Variants in VPS54 observed in about 807,000 individuals in gnomAD.
The protein encoded by VPS54 is VPS54 subunit of GARP complex.
In VPS54, 45 loss-of-function variants were observed where a neutral mutation model predicts 121.5. The ratio of observed to expected loss-of-function variants is 0.37; its 90% CI spans 0.29 to 0.47. The LOEUF is 0.47. VPS54 is among the 20% of genes least tolerant of loss of function. VPS54 has a pLI of 0.99. For missense variants in VPS54, 1,090 were observed against 1,131.4 expected (o/e 0.96, Z 0.52); for synonymous variants, 371 against 385.8 (o/e 0.96, Z 0.45).
intron 1 of VPS54, among the ~76,000 whole-genome samples, chr2:64,013,750 A>G (rs760725334): frequency 2.7e-5 from 4 of 149,430 alleles, no homozygotes; most frequent in African/African-American, 4.9e-5. Context: ...TATAATACCA[A>G]TCAATACCAC....
At chr2:63,910,120 G>C (rs1673085112) in intron 20 of VPS54, among the ~76,000 whole-genome samples, 1 of 152,190 alleles carries the variant, frequency 6.6e-6, no homozygotes, top group African/African-American at 2.4e-5. Flanking sequence ...GTTAAAAACT[G>C]AAAGGCAAAC....
chr2:63,966,139 T>C (rs372429069), intron 5 of VPS54, among the ~76,000 whole-genome samples, 173 bp from the exon 6 acceptor site: 3 of 152,116 alleles, frequency 2.0e-5, no homozygotes, highest in East Asian at 3.8e-4. Context: ...AATGTGTAAA[T>C]TTCTCACCAA....
At chr2:63,972,361 T>A in intron 3 of VPS54, 117 bp from the exon 4 acceptor site, 1 of 630,082 alleles carries the variant, frequency 1.6e-6, no homozygotes, top group Non-Finnish European at 2.6e-6. Flanking sequence ...ACTTTTAATA[T>A]GAAATCACTA....
chr2:64,002,732 G>C (rs1191380156), intron 1 of VPS54, among the ~76,000 whole-genome samples: 1 of 152,096 alleles, frequency 6.6e-6, no homozygotes, highest in Non-Finnish European at 1.5e-5. Context: ...ATTTTGACTT[G>C]GAAAACATAT....
At chr2:63,990,980 A>G (rs896114454) in intron 1 of VPS54, among the ~76,000 whole-genome samples, 3 of 152,210 alleles carry the variant, frequency 2.0e-5, no homozygotes, top group Non-Finnish European at 4.4e-5. Context: ...ACCCCATTAA[A>G]GCATTTACAA....
intron 1 of VPS54, among the ~76,000 whole-genome samples, chr2:64,017,267 G>A (rs1678747958): frequency 6.6e-6 from 1 of 151,210 alleles, no homozygotes; most frequent in Non-Finnish European, 1.5e-5. Context: ...AAGCCGGTAG[G>A]CGGAGGTTGC....
rs574769848 is a variant in VPS54, at chr2:63,987,149, A to C, written c.-20-3130T>G. On this transcript the variant is annotated intron_variant, in intron 1 of 22. Coordinates refer to ENST00000272322, the MANE Select transcript of VPS54 (RefSeq NM_016516.3). ...TATTCAAGAAATCCTTGCTCACTTCAATGACCTGGACATTTTCCCCAAGGC... is the reference window on the plus strand; with the variant it reads ...TATTCAAGAAATCCTTGCTCACTTCCATGACCTGGACATTTTCCCCAAGGC... Among the ~76,000 whole-genome samples the C allele has an allele frequency of 2.8e-4, 42 of 152,268 alleles. 1 individual carries two copies. The highest frequency in any genetic ancestry group is 8.9e-4 in the African/African-American group (37 of 41,550).
chr2:63,919,613 A>G (rs1423637278), intron 15 of VPS54, among the ~76,000 whole-genome samples: 1 of 152,138 alleles, frequency 6.6e-6, no homozygotes, highest in Non-Finnish European at 1.5e-5. Flanking sequence ...AAGAAACAAT[A>G]GTACCTGTAT....
chr2:63,923,389 T>C (rs947234803), intron 12 of VPS54, among the ~76,000 whole-genome samples: 3 of 152,076 alleles, frequency 2.0e-5, no homozygotes, highest in African/African-American at 7.2e-5. Context: ...ACAAACGAAT[T>C]CAAACATAAT....
chr2:63,897,484 T>TA lies in VPS54; in HGVS notation c.2828+11dup, dbSNP rs762813649. On this transcript the variant is annotated intron_variant, in intron 22 of 22. Transcript: ENST00000272322. The stretch of plus-strand genomic sequence containing the variant: ...ATATGGGAGTATATGGTGAAAACGT[T>TA]AAAAAACATACCCATTTTGAGGTCC... The TA allele has an allele frequency of 1.3e-6, 2 of 1,551,840 alleles. No homozygotes were observed. Among genetic ancestry groups the TA allele is most frequent in the African/African-American group, 2.7e-5 (2 of 72,830 alleles).
chr2:63,978,328 A>C (rs1467588503), intron 3 of VPS54, among the ~76,000 whole-genome samples: 2 of 152,190 alleles, frequency 1.3e-5, no homozygotes, highest in African/African-American at 4.8e-5. Flanking sequence ...GAAGGCTGGC[A>C]GTAGGATGAA....
rs1298755176 is a variant in VPS54, at chr2:63,893,581, T to C, written c.2829-46A>G. The C allele has an allele frequency of 5.2e-6, 8 of 1,537,664 alleles. No individual in the cohort carries two copies. The East Asian group carries it at 1.8e-4, about 35-fold the overall frequency. On this transcript the variant is annotated intron_variant, in intron 22 of 22. Coordinates refer to ENST00000272322, the MANE Select transcript of VPS54 (RefSeq NM_016516.3). ...TATTTTTTAAATCTCAAACTTTCTA[T>C]TCAGATAATTAAAGTAACAGTGCTC...
intron 1 of VPS54, among the ~76,000 whole-genome samples, chr2:63,989,692 G>T (rs1677224619): frequency 1.3e-5 from 2 of 152,146 alleles, no homozygotes; most frequent in South Asian, 4.1e-4. Context: ...CTGTGAATTT[G>T]TCCAGGTTAA....
chr2:63,967,273 C>A (rs1166736008), intron 5 of VPS54, among the ~76,000 whole-genome samples: 3 of 151,876 alleles, frequency 2.0e-5, no homozygotes, highest in Admixed American at 6.6e-5. Flanking sequence ...ATTTTCTAAT[C>A]CCTGCTTTGG....
chr2:63,921,097 A>G (rs1472732523), intron 13 of VPS54, 109 bp downstream of exon 13: 1 of 1,199,962 alleles, frequency 8.3e-7, no homozygotes, highest in Non-Finnish European at 1.1e-6. Context: ...ACTTTATTAA[A>G]TGTTAAAAAT....
chr2:64,011,080 T>C (rs1678405965), intron 1 of VPS54, among the ~76,000 whole-genome samples: 1 of 152,202 alleles, frequency 6.6e-6, no homozygotes, highest in Non-Finnish European at 1.5e-5. Flanking sequence ...TTATAACAAT[T>C]TGTAATGTTA....
chr2:63,942,031 CAAAA>C (rs34766515), intron 11 of VPS54, among the ~76,000 whole-genome samples: 2 of 77,082 alleles, frequency 2.6e-5, no homozygotes, highest in Non-Finnish European at 2.6e-5. Context: ...GACTCCACCT[CAAAA>C]AAAAAAAAAA....
intron 20 of VPS54, among the ~76,000 whole-genome samples, chr2:63,905,689 G>A (rs1672877741): frequency 6.6e-6 from 1 of 151,934 alleles, no homozygotes; most frequent in Non-Finnish European, 1.5e-5. Flanking sequence ...TATGAGTCCA[G>A]TATTACTCTG....
At chr2:64,017,628 T>C in intron 1 of VPS54, among the ~76,000 whole-genome samples, 1 of 152,192 alleles carries the variant, frequency 6.6e-6, no homozygotes, top group Middle Eastern at 3.2e-3. Flanking sequence ...AACAAAACAG[T>C]CTTTACGATT....
Sources: allele counts gnomAD v4.1 joint callset (sites outside exome capture counted in the v4.1 genomes callset), GRCh38; gene constraint gnomAD v4.1.1; transcripts MANE v1.5; gene names NCBI Gene and HGNC (gene_info 2026-07-23, HGNC 2026-07-21).